SCN1B: variants seen among roughly 807,000 people sequenced by gnomAD.
SCN1B encodes the protein sodium channel regulatory subunit beta-1.
A neutral mutation model predicts 25.7 loss-of-function variants in SCN1B; 11 were observed. The ratio of observed to expected loss-of-function variants is 0.43; its 90% CI spans 0.27 to 0.71. The LOEUF is 0.71. Among genes scored for constraint, SCN1B ranks in the 30% least tolerant of loss-of-function variants. SCN1B has a pLI of 0.21. For missense variants in SCN1B, 224 were observed against 291.5 expected (o/e 0.77, Z 1.69); for synonymous variants, 119 against 117.5 (o/e 1.01, Z -0.08).
Position 35,033,188 on chromosome 19 carries a change from G to C in SCN1B, c.208-311G>C, listed in dbSNP as rs562059987. ...ATCAGGCTGCCCTGTCTCTGCTGGAGGAGTGTGTCTGGTGGCTGGGAAAGA... is the reference window on the plus strand; with the variant it reads ...ATCAGGCTGCCCTGTCTCTGCTGGACGAGTGTGTCTGGTGGCTGGGAAAGA... On this transcript the variant is annotated intron_variant, in intron 2 of 5. Coordinates refer to ENST00000262631, the MANE Select transcript of SCN1B (RefSeq NM_001037.5). 2.8e-4 allele frequency among the ~76,000 whole-genome samples: 42 copies of C among 152,282 alleles called. No homozygotes were observed. The East Asian group carries it at 7.0e-3, about 25-fold the overall frequency.
Position 35,039,709 on chromosome 19 carries a change from A to T in SCN1B, c.*5+3A>T. On this transcript the variant is annotated splice_donor_region_variant and intron_variant, in intron 5 of 5. Transcript: ENST00000262631. The stretch of plus-strand genomic sequence containing the variant: ...GTCCAGGTGGCCGAATAGCCCTGGT[A>T]AGGCGGATGGGCTGGCAGAGGGGAA... The T allele has an allele frequency of 6.2e-7, 1 of 1,614,090 alleles. No homozygotes were observed. Among genetic ancestry groups the T allele is most frequent in the African/African-American group, 1.3e-5 (1 of 75,066 alleles).
In SCN1B at chr19:35,033,746, C is replaced by T. The variant is rs748379474; in HGVS notation, c.448+7C>T. On this transcript the variant is annotated splice_region_variant and intron_variant, in intron 3 of 5. Coordinates refer to ENST00000262631, the MANE Select transcript of SCN1B (RefSeq NM_001037.5). ...ATTGAGGTAGTGGACAAAGGTGAGT[C>T]GGGTGCTGCCTGCCCCTTTACCGTC... is the stretch of plus-strand genomic sequence containing the variant. 8.7e-6 allele frequency: 14 copies of T among 1,613,920 alleles called. No individual in the cohort carries two copies. The highest frequency in any genetic ancestry group is 5.5e-5 in the South Asian group (5 of 91,078).
chr19:35,033,562 G>A lies in SCN1B; in HGVS notation c.271G>A (p.Val91Met), dbSNP rs1423280774. The stretch of plus-strand genomic sequence containing the variant: ...GGATGAGCGCTTCGAGGGCCGCGTG[G>A]TGTGGAATGGCAGCCGGGGCACCAA... ...EEDERFEGRV[V>M]WNGSRGTKDL... is the part of the protein sequence containing the mutation. The change falls in exon 3 of 6, where the codon GTG becomes ATG. Residue 91 changes from valine (V) to methionine (M), a missense_variant. Physicochemically the swap from Val to Met is conservative, Grantham distance 21 (BLOSUM62 1). Around this residue, in one of 3 missense-constraint regions of SCN1B, gnomAD observed 126 missense variants for 204.9 expected, o/e 0.61. Transcript: ENST00000262631. The A allele has an allele frequency of 6.2e-7, 1 of 1,614,130 alleles. No individual in the cohort carries two copies. The highest frequency in any genetic ancestry group is 8.5e-7 in the Non-Finnish European group (1 of 1,179,992).
chr19:35,036,139 A>C (rs1018231541), intron 3 of SCN1B: 1 of 151,546 alleles, frequency 6.6e-6, no homozygotes, highest in Non-Finnish European at 1.5e-5. Flanking sequence ...AAGTGCCGAG[A>C]TTACAGGAGA....
rs2064220267 is a variant in SCN1B at position 35,032,520 on chromosome 19, C to T, written c.41-8C>T. 2 of 1,613,340 alleles carry T rather than the reference C, an allele frequency of 1.2e-6. No homozygotes were observed. Among genetic ancestry groups the T allele is most frequent in the Non-Finnish European group, 1.7e-6 (2 of 1,180,038 alleles). On this transcript the variant is annotated splice_polypyrimidine_tract_variant and splice_region_variant and intron_variant, in intron 1 of 5. Coordinates refer to ENST00000262631, the MANE Select transcript of SCN1B (RefSeq NM_001037.5). The surrounding 1 kb of genome is among the most constrained non-coding windows in gnomAD (Gnocchi z 4.3). ...CCTCTGCCTGACCTGAGCCTGCTGT[C>T]CCCACAGTGTCCTCAGCCTGCGGGG...
At chr19:35,037,248 C>T (rs1193385857) in intron 3 of SCN1B, 2 of 152,170 alleles carry the variant, frequency 1.3e-5, no homozygotes, top group African/African-American at 4.8e-5. Context: ...GGGCTGCCCA[C>T]CTGTGTTAGG....
rs755223293 is a variant in SCN1B, at chr19:35,040,031, G to A, written c.*240G>A. The A allele has an allele frequency of 5.1e-6, 2 of 395,272 alleles. No homozygotes were observed. The highest frequency in any genetic ancestry group is 9.5e-6 in the Non-Finnish European group (2 of 209,750). The allele number at this position is 395,272 out of a possible 1,614,324, so 24.5% of individuals were successfully genotyped here. ...GCATGATGGGTAAAGCAATACTGCC[G>A]CTGCCCCCACCCTGCTTCTGCTGCC... On this transcript the variant is annotated 3_prime_UTR_variant, in exon 6 of 6. Coordinates refer to ENST00000262631, the MANE Select transcript of SCN1B (RefSeq NM_001037.5).
At position 35,034,035 on chromosome 19, in the gene SCN1B, C is replaced by A. The variant is rs67701503; in HGVS notation, c.448+296C>A. ...CTGGCAGGTGCCTTCTGTCTCTGAG[C>A]CAAAGGGTTGTCCTGGGCTTGCCCG... On this transcript the variant is annotated intron_variant, in intron 3 of 5. Coordinates refer to ENST00000262631, the MANE Select transcript of SCN1B (RefSeq NM_001037.5). The A allele has an allele frequency of 0.14, 222,837 of 1,549,658 alleles. 16,941 individuals are homozygous for A. The highest frequency in any genetic ancestry group is 0.2 in the East Asian group (7,978 of 40,884).
intron 2 of SCN1B, 58 bp from the exon 3 acceptor site, chr19:35,033,441 T>A: frequency 1.9e-6 from 3 of 1,609,888 alleles, no homozygotes; most frequent in Non-Finnish European, 2.5e-6. Flanking sequence ...AGAATCAGGG[T>A]CAGGTAAGGG....
rs1330923826 is a variant in SCN1B, at chr19:35,030,780, C to A, written c.-41C>A. On this transcript the variant is annotated 5_prime_UTR_variant, in exon 1 of 6. Transcript: ENST00000262631. ...GCCGCCTCTCGCCCCGCTATTAATACCGGCGGCCCGGGAGGGGGGCGCAGC... is the reference window on the plus strand; with the variant it reads ...GCCGCCTCTCGCCCCGCTATTAATAACGGCGGCCCGGGAGGGGGGCGCAGC... 4 of 857,906 alleles carry A rather than the reference C, an allele frequency of 4.7e-6. No homozygotes were observed. Among genetic ancestry groups the A allele is most frequent in the Non-Finnish European group, 6.3e-6 (4 of 632,970 alleles). 53.1% of individuals were successfully genotyped at this position (857,906 alleles called of 1,614,324 possible). A position where few individuals can be genotyped will look rare whatever the true frequency, so the allele number is the denominator to read the frequency against.
intron 3 of SCN1B, chr19:35,037,912 T>TTGCATCAC (rs1442141359): frequency 2.0e-5 from 3 of 151,976 alleles, no homozygotes; most frequent in Non-Finnish European, 4.4e-5. Flanking sequence ...TGGGCTATGA[T>TTGCATCAC]TGCATCACTG....
In SCN1B at chr19:35,039,679, C is replaced by T. The variant is rs748784203; in HGVS notation, c.635C>T (p.Thr212Met). 24 of 1,614,072 alleles carry T rather than the reference C, an allele frequency of 1.5e-5. No individual in the cohort carries two copies. Among genetic ancestry groups the T allele is most frequent in the East Asian group, 6.7e-5 (3 of 44,884 alleles). The change falls in exon 5 of 6, where the codon ACG (threonine) becomes ATG (methionine). Residue 212 changes from threonine to methionine, a missense_variant. By Grantham distance (81) the Thr-to-Met change is moderately conservative (BLOSUM62 -1). Transcript: ENST00000262631. The stretch of plus-strand genomic sequence containing the variant: ...ACCTCTGAAAGCAAAGAGAACTGCA[C>T]GGGCGTCCAGGTGGCCGAATAGCCC... Reference protein sequence around the residue: ...AITSESKENCTGVQVAE With the variant: ...AITSESKENCMGVQVAE
In SCN1B at chr19:35,040,255, C is replaced by G. The variant is rs72550264; in HGVS notation, c.*464C>G. 149 of 165,118 alleles carry G rather than the reference C, an allele frequency of 9.0e-4. 1 individual carries two copies. Among genetic ancestry groups the G allele is most frequent in the Non-Finnish European group, 1.6e-3 (119 of 74,790 alleles). 10.2% of individuals were successfully genotyped at this position (165,118 alleles called of 1,614,324 possible). A position where few individuals can be genotyped will look rare whatever the true frequency, so the allele number is the denominator to read the frequency against. On this transcript the variant is annotated 3_prime_UTR_variant, in exon 6 of 6. Coordinates refer to ENST00000262631, the MANE Select transcript of SCN1B (RefSeq NM_001037.5). Reference sequence around the variant, plus strand: ...GTTCTGGGACCCACTCCGACTCCCCCTCCCCGGCATCATTTCCCCTCCCGC... The same window carrying G: ...GTTCTGGGACCCACTCCGACTCCCCGTCCCCGGCATCATTTCCCCTCCCGC...
chr19:35,034,149 G>A (rs910726120), intron 3 of SCN1B: 13 of 1,550,424 alleles, frequency 8.4e-6, no homozygotes, highest in African/African-American at 2.7e-5. Context: ...GCAGGCACAC[G>A]CCTGGCTTCC....
At position 35,033,607 on chromosome 19, in the gene SCN1B, A is replaced by G. The variant is rs931949929; in HGVS notation, c.316A>G (p.Ile106Val). 1.7e-5 allele frequency: 27 copies of G among 1,614,092 alleles called. No homozygotes were observed. The highest frequency in any genetic ancestry group is 2.2e-5 in the East Asian group (1 of 44,870). ...RGTKDLQDLS[I>V]FITNVTYNHS... ...CACCAAAGACCTGCAGGATCTGTCTATCTTCATCACCAATGTCACCTACAA... is the reference window on the plus strand; with the variant it reads ...CACCAAAGACCTGCAGGATCTGTCTGTCTTCATCACCAATGTCACCTACAA... The change falls in exon 3 of 6, where the codon ATC becomes GTC. Residue 106 changes from isoleucine (I) to valine (V), a missense_variant. Ile to Val is a conservative substitution (Grantham distance 29). Coordinates refer to ENST00000262631, the MANE Select transcript of SCN1B (RefSeq NM_001037.5).
chr19:35,039,777 C>A lies in SCN1B; in HGVS notation c.*6-20C>A, dbSNP rs1426395812. ...GAAGTCCCCCAGGTCCCTAATTCCCCCTCTCTTGCTCCCCTTCAGGCCCTG... is the reference window on the plus strand; with the variant it reads ...GAAGTCCCCCAGGTCCCTAATTCCCACTCTCTTGCTCCCCTTCAGGCCCTG... On this transcript the variant is annotated intron_variant, in intron 5 of 5. Coordinates refer to ENST00000262631, the MANE Select transcript of SCN1B (RefSeq NM_001037.5). The A allele has an allele frequency of 1.5e-5, 22 of 1,478,210 alleles. No individual in the cohort carries two copies. The highest frequency in any genetic ancestry group is 2.0e-5 in the Non-Finnish European group (21 of 1,064,754). The allele number at this position is 1,478,210 out of a possible 1,614,324, so 91.6% of individuals were successfully genotyped here.
chr19:35,033,130 C>T (rs771560152), intron 2 of SCN1B, among the ~76,000 whole-genome samples: 7 of 152,050 alleles, frequency 4.6e-5, no homozygotes, highest in East Asian at 1.9e-4. Context: ...AATTCTGTGA[C>T]GTGCTGGAGA....
chr19:35,039,621 C>A lies in SCN1B; in HGVS notation c.591-14C>A, dbSNP rs28365109. ...GATGATGGGGTCACTGTATACCTGG[C>A]CTTTCCCCCACAGCTCGGAATACCT... On this transcript the variant is annotated splice_polypyrimidine_tract_variant and intron_variant, in intron 4 of 5. Transcript: ENST00000262631. 22,457 of 1,614,010 alleles carry A rather than the reference C, an allele frequency of 0.014. 197 individuals are homozygous for A. The highest frequency in any genetic ancestry group is 0.019 in the South Asian group (1,732 of 91,082).
chr19:35,032,755 G>C lies in SCN1B; in HGVS notation c.207+61G>C. 1.3e-6 allele frequency: 2 copies of C among 1,572,978 alleles called. No homozygotes were observed. Among genetic ancestry groups the C allele is most frequent in the Non-Finnish European group, 1.7e-6 (2 of 1,148,104 alleles). Reference sequence around the variant, plus strand: ...GGGTCCACGAGTGGGAGGCGGTGGGGCTGGATCTCAGGGAGGGGGCTTATT... The same window carrying C: ...GGGTCCACGAGTGGGAGGCGGTGGGCCTGGATCTCAGGGAGGGGGCTTATT... On this transcript the variant is annotated intron_variant, in intron 2 of 5. Transcript: ENST00000262631. The surrounding 1 kb of genome is among the most constrained non-coding windows in gnomAD (Gnocchi z 4.3).
Sources: gnomAD v4.1 joint callset for allele counts (sites outside exome capture counted in the v4.1 genomes callset) on GRCh38, gnomAD v4.1.1 for gene constraint, gnomAD v4.1.1 regional missense constraint, Gnocchi (gnomAD v3.1) non-coding constraint, MANE v1.5 for transcripts, NCBI Gene and HGNC (gene_info 2026-07-23, HGNC 2026-07-21) for gene names.